Variants in ACTN4 observed in about 807,000 individuals in gnomAD.
ACTN4 encodes alpha-actinin-4.
In ACTN4, 18 loss-of-function variants were observed where a neutral mutation model predicts 114.2. The observed-to-expected ratio is 0.16, with a 90% CI of 0.11 to 0.23. The LOEUF is 0.23. Among genes scored for constraint, ACTN4 ranks in the 10% least tolerant of loss-of-function variants. The pLI, the probability that ACTN4 is intolerant of heterozygous loss-of-function variation, is 1.00. For missense variants in ACTN4, 722 were observed against 1,262.9 expected, an observed-to-expected ratio of 0.57 and a Z score of 6.49; for synonymous variants, 515 against 506.3, an observed-to-expected ratio of 1.02 and a Z score of -0.23.
chr19:38,673,655 TTA>T lies in ACTN4; in HGVS notation c.162+25756_162+25757del, dbSNP rs1175115928. On this transcript the variant is annotated intron_variant, in intron 1 of 20. Transcript: ENST00000252699. ...TATATATTTATATATATTTATATAT[TTA>T]TATATATTATATATATTTATATATT... is the stretch of plus-strand genomic sequence containing the variant. Among the ~76,000 whole-genome samples the T allele has an allele frequency of 4.4e-4, 13 of 29,334 alleles. 3 individuals are homozygous for T. Among genetic ancestry groups the T allele is most frequent in the East Asian group, 3.6e-3 (5 of 1,392 alleles). The allele number at this position is 29,334 out of a possible 152,430, so 19.2% of individuals were successfully genotyped here.
Position 38,663,411 on chromosome 19 carries a change from G to A in ACTN4, c.162+15504G>A, listed in dbSNP as rs139052609. ...TGGTCCGTGCTCTCAAAGAGCTCGC[G>A]GTGTAGCTGGGGAGAGAGCAAGGCC... On this transcript the variant is annotated intron_variant, in intron 1 of 20. Coordinates refer to ENST00000252699, the MANE Select transcript of ACTN4 (RefSeq NM_004924.6). Among the ~76,000 whole-genome samples the A allele has an allele frequency of 4.2e-3, 647 of 152,292 alleles. 17 individuals carry two copies. Among genetic ancestry groups the A allele is most frequent in the Admixed American group, 0.032 (493 of 15,288 alleles).
At chr19:38,690,385 T>C (rs1042050991) in intron 1 of ACTN4, among the ~76,000 whole-genome samples, 12 of 152,240 alleles carry the variant, frequency 7.9e-5, no homozygotes, top group Admixed American at 5.2e-4. Flanking sequence ...TCATTCGGGC[T>C]AGAGGCTCGC....
At position 38,683,234 on chromosome 19, in the gene ACTN4, C is replaced by G. The variant is rs371808051; in HGVS notation, c.163-17366C>G. Among the ~76,000 whole-genome samples, 37 of 152,274 alleles carry G rather than the reference C, an allele frequency of 2.4e-4. 1 individual carries two copies. In the South Asian group the frequency reaches 7.7e-3, roughly 32 times the overall value. Reference sequence around the variant, plus strand: ...GAATCCTGTGAGGCCCAGTCAGTTTCTTTGGTTCTCATGCAGTGCAGTGCC... The same window carrying G: ...GAATCCTGTGAGGCCCAGTCAGTTTGTTTGGTTCTCATGCAGTGCAGTGCC... On this transcript the variant is annotated intron_variant, in intron 1 of 20. Transcript: ENST00000252699.
At position 38,730,610 on chromosome 19, in the gene ACTN4, G is replaced by A; in HGVS notation, c.*1178G>A. 2 of 601,924 alleles carry A rather than the reference G, an allele frequency of 3.3e-6. No homozygotes were observed. Among genetic ancestry groups the A allele is most frequent in the South Asian group, 2.0e-5 (1 of 51,210 alleles). The allele number at this position is 601,924 out of a possible 1,614,324, so 37.3% of individuals were successfully genotyped here. A position where few individuals can be genotyped will look rare whatever the true frequency, so the allele number is the denominator to read the frequency against. ...GGAGAGCCAGGGCAGAGCTAGCACT[G>A]TCTTAAGCTGTCAACGTGGACTAGC... On this transcript the variant is annotated 3_prime_UTR_variant, in exon 21 of 21. Coordinates refer to ENST00000252699, the MANE Select transcript of ACTN4 (RefSeq NM_004924.6).
At position 38,668,618 on chromosome 19, in the gene ACTN4, G is replaced by A. The variant is rs377703400; in HGVS notation, c.162+20711G>A. ...GGGGAATTGCTTGAACCTGAGAGGC[G>A]GAGGTTGCAGTGAGCCGAGGTCGTG... On this transcript the variant is annotated intron_variant, in intron 1 of 20. Transcript: ENST00000252699. Among the ~76,000 whole-genome samples, 650 of 152,258 alleles carry A rather than the reference G, an allele frequency of 4.3e-3. 4 individuals carry two copies. The highest frequency in any genetic ancestry group is 7.1e-3 in the Non-Finnish European group (483 of 68,024).
chr19:38,690,744 C>A (rs1049099505), intron 1 of ACTN4, among the ~76,000 whole-genome samples: 3 of 152,160 alleles, frequency 2.0e-5, no homozygotes, highest in African/African-American at 7.2e-5. Flanking sequence ...TAGCCTTGTT[C>A]TGGAATTAGT....
Position 38,730,170 on chromosome 19 carries a change from AAG to A in ACTN4, c.*740_*741del, listed in dbSNP as rs1969461688. On this transcript the variant is annotated 3_prime_UTR_variant, in exon 21 of 21. Transcript: ENST00000252699. ...TCACAAAAACAAAAAAACTATAAAA[AAG>A]AAAGAATTAAAAACTTTCAGAGAAT... 1 of 150,386 alleles carries A rather than the reference AAG, an allele frequency of 6.6e-6. No homozygotes were observed. The highest frequency in any genetic ancestry group is 1.4e-5 in the Non-Finnish European group (1 of 70,146). The allele number at this position is 150,386 out of a possible 1,614,324, so 9.3% of individuals were successfully genotyped here.
chr19:38,715,294 C>T lies in ACTN4; in HGVS notation c.912+733C>T, dbSNP rs148114149. 5.1e-3 allele frequency among the ~76,000 whole-genome samples: 770 copies of T among 152,280 alleles called. 8 individuals are homozygous for T. Among genetic ancestry groups the T allele is most frequent in the African/African-American group, 0.018 (732 of 41,558 alleles). On this transcript the variant is annotated intron_variant, in intron 9 of 20. Coordinates refer to ENST00000252699, the MANE Select transcript of ACTN4 (RefSeq NM_004924.6). ...GGTGGATCACTTGAGGTCTGGAGTT[C>T]AAAACCAGCCTGGCCAACATGGTGA...
chr19:38,673,705 A>G lies in ACTN4; in HGVS notation c.162+25798A>G, dbSNP rs1297138630. Among the ~76,000 whole-genome samples, 13 of 84,024 alleles carry G rather than the reference A, an allele frequency of 1.5e-4. 1 individual carries two copies. The Admixed American group carries it at 2.1e-3, about 14-fold the overall frequency. The allele number at this position is 84,024 out of a possible 152,430, so 55.1% of individuals were successfully genotyped here. ...ATTTATATATATTATATATATTTAT[A>G]TATTTATATATTTATATATACTTAT... On this transcript the variant is annotated intron_variant, in intron 1 of 20. Coordinates refer to ENST00000252699, the MANE Select transcript of ACTN4 (RefSeq NM_004924.6).
chr19:38,672,123 C>A (rs1967147197), intron 1 of ACTN4, among the ~76,000 whole-genome samples: 1 of 152,062 alleles, frequency 6.6e-6, no homozygotes, highest in Non-Finnish European at 1.5e-5. Context: ...TTCTCGCTCT[C>A]CCTGGGTGTG....
intron 1 of ACTN4, among the ~76,000 whole-genome samples, chr19:38,696,328 C>A (rs1968090994): frequency 6.6e-6 from 1 of 151,978 alleles, no homozygotes; most frequent in South Asian, 2.1e-4. Context: ...TATGTACGGA[C>A]CCATGGTGGC....
intron 1 of ACTN4, among the ~76,000 whole-genome samples, chr19:38,697,723 G>T (rs1449841860): frequency 6.6e-6 from 1 of 152,250 alleles, no homozygotes; most frequent in East Asian, 1.9e-4. Flanking sequence ...CCAGAGCACG[G>T]GGCCTTGCCC....
At chr19:38,712,513 G>A (rs1968689866) in intron 8 of ACTN4, among the ~76,000 whole-genome samples, 1 of 152,190 alleles carries the variant, frequency 6.6e-6, no homozygotes, top group Admixed American at 6.5e-5. Context: ...GCAGCTGCCA[G>A]GGAGCCACAG....
intron 1 of ACTN4, among the ~76,000 whole-genome samples, chr19:38,685,509 C>A (rs1967714715): frequency 6.6e-6 from 1 of 152,298 alleles, no homozygotes; most frequent in African/African-American, 2.4e-5. Flanking sequence ...AAAGGGCAGG[C>A]AGGCTGGTGA....
chr19:38,690,584 T>G (rs1276590722), intron 1 of ACTN4, among the ~76,000 whole-genome samples: 1 of 152,218 alleles, frequency 6.6e-6, no homozygotes, highest in African/African-American at 2.4e-5. Context: ...AAAGGCTTGC[T>G]GCCATCTTGG....
At position 38,726,952 on chromosome 19, in the gene ACTN4, C is replaced by T. The variant is rs186662077; in HGVS notation, c.2191-5C>T. On this transcript the variant is annotated splice_region_variant and splice_polypyrimidine_tract_variant and intron_variant, in intron 17 of 20. Coordinates refer to ENST00000252699, the MANE Select transcript of ACTN4 (RefSeq NM_004924.6). ...GCCCACGATCACGCCCCCGTCTTTC[C>T]GCAGCACATCCGCGTGGGCTGGGAG... 2,303 of 1,613,892 alleles carry T rather than the reference C, an allele frequency of 1.4e-3. 37 individuals are homozygous for T. In the South Asian group the frequency reaches 0.02, roughly 14 times the overall value.
At chr19:38,683,182 C>T (rs777967801) in intron 1 of ACTN4, among the ~76,000 whole-genome samples, 24 of 152,150 alleles carry the variant, frequency 1.6e-4, no homozygotes, top group South Asian at 6.2e-4. Context: ...CTGGTGCCAG[C>T]GGTTTGGAGT....
At chr19:38,672,642 C>T (rs950200987) in intron 1 of ACTN4, among the ~76,000 whole-genome samples, 22 of 151,932 alleles carry the variant, frequency 1.4e-4, no homozygotes, top group Admixed American at 1.2e-3. Context: ...GGCACGATCT[C>T]GGCTCACCGC....
Position 38,727,898 on chromosome 19 carries a change from T to A in ACTN4, c.2338-48T>A, listed in dbSNP as rs773582740. 6 of 1,583,126 alleles carry A rather than the reference T, an allele frequency of 3.8e-6. No individual in the cohort carries two copies. The Admixed American group carries it at 5.1e-5, about 13-fold the overall frequency. On this transcript the variant is annotated intron_variant, in intron 18 of 20. Coordinates refer to ENST00000252699, the MANE Select transcript of ACTN4 (RefSeq NM_004924.6). The surrounding 1 kb of genome is among the most constrained non-coding windows in gnomAD (Gnocchi z 5.4). ...ATGTGACCCCGATCCCTCATCCTGG[T>A]CTCCACGCCGCCCCTCCCGCACACC... is the stretch of plus-strand genomic sequence containing the variant.
Sources: allele counts gnomAD v4.1 joint callset (sites outside exome capture counted in the v4.1 genomes callset), GRCh38; gene constraint gnomAD v4.1.1; non-coding constraint Gnocchi (gnomAD v3.1); transcripts MANE v1.5; gene names NCBI Gene and HGNC (gene_info 2026-07-23, HGNC 2026-07-21).